Variants in SAMD3 observed in about 807,000 individuals in gnomAD.
The protein encoded by SAMD3 is sterile alpha motif domain-containing protein 3.
A neutral mutation model predicts 58.5 loss-of-function variants in SAMD3; 63 were observed. The observed-to-expected ratio is 1.08, with a 90% CI of 0.88 to 1.33. The LOEUF is 1.33. Among genes scored for constraint, SAMD3 ranks in the 40% most tolerant of loss-of-function variants. The pLI, the probability that SAMD3 is intolerant of heterozygous loss-of-function variation, is 0.00. For synonymous variants in SAMD3, 220 were observed against 210.3 expected, an observed-to-expected ratio of 1.05 and a Z score of -0.40; for missense variants, 604 against 608.4, an observed-to-expected ratio of 0.99 and a Z score of 0.08.
At chr6:130,286,203 C>T (rs1775146886) in intron 2 of SAMD3, 1 of 152,246 alleles carries the variant, frequency 6.6e-6, no homozygotes, top group African/African-American at 2.4e-5. Context: ...TATGCCGTGC[C>T]TCCTGTGGCA....
At chr6:130,360,257 C>T (rs1409549941) in intron 1 of SAMD3, among the ~76,000 whole-genome samples, 1 of 152,144 alleles carries the variant, frequency 6.6e-6, no homozygotes. Flanking sequence ...ATGAATGTGC[C>T]AACGTTTTCT....
chr6:130,179,461 A>G lies in SAMD3; in HGVS notation c.655-3453T>C, dbSNP rs1459440920. On this transcript the variant is annotated intron_variant, in intron 7 of 11. Coordinates refer to ENST00000439090, the MANE Select transcript of SAMD3 (RefSeq NM_001017373.4). The stretch of plus-strand genomic sequence containing the variant: ...GAAATTGCAGACCTCCTGTTGTGAC[A>G]TATGAAGCAGTCCACAGCATCACGA... Among the ~76,000 whole-genome samples, 5 of 152,194 alleles carry G rather than the reference A, an allele frequency of 3.3e-5. No individual in the cohort carries two copies. In the East Asian group the frequency reaches 9.6e-4, roughly 29 times the overall value.
chr6:130,303,609 A>G (rs1775821230), intron 2 of SAMD3, among the ~76,000 whole-genome samples: 1 of 152,206 alleles, frequency 6.6e-6, no homozygotes, highest in Admixed American at 6.5e-5. Context: ...TAAAATCCAC[A>G]TACCATTCAT....
chr6:130,341,034 A>G (rs1777253521), intron 1 of SAMD3, among the ~76,000 whole-genome samples: 2 of 152,218 alleles, frequency 1.3e-5, no homozygotes, highest in African/African-American at 4.8e-5. Flanking sequence ...TAGAACACAT[A>G]AAGTTTTAGG....
At chr6:130,349,511 C>A (rs1247729181) in intron 1 of SAMD3, among the ~76,000 whole-genome samples, 1 of 152,100 alleles carries the variant, frequency 6.6e-6, no homozygotes, top group East Asian at 1.9e-4. Context: ...CCTCCCAAGA[C>A]TAAACCGGGA....
chr6:130,179,300 G>A (rs1325315547), intron 7 of SAMD3, among the ~76,000 whole-genome samples: 2 of 152,100 alleles, frequency 1.3e-5, no homozygotes, highest in Non-Finnish European at 2.9e-5. Context: ...GACGCCTCAG[G>A]TAGGCAGACT....
chr6:130,163,140 T>C (rs1050106512), intron 8 of SAMD3, among the ~76,000 whole-genome samples: 33 of 151,044 alleles, frequency 2.2e-4, no homozygotes, highest in Admixed American at 7.2e-4. Context: ...ATTTCAACTA[T>C]TTAGTATGCA....
At chr6:130,319,380 A>G (rs1231793541) in intron 1 of SAMD3, among the ~76,000 whole-genome samples, 2 of 152,218 alleles carry the variant, frequency 1.3e-5, no homozygotes, top group African/African-American at 4.8e-5. Context: ...AAAAAAAGAA[A>G]AATTTAAAAG....
At chr6:130,228,500 A>G (rs1238879146) in intron 2 of SAMD3, among the ~76,000 whole-genome samples, 1 of 152,146 alleles carries the variant, frequency 6.6e-6, no homozygotes, top group Non-Finnish European at 1.5e-5. Flanking sequence ...AGGGGAGCTT[A>G]AAAAAAGCTG....
chr6:130,324,040 C>G (rs1040770865), intron 1 of SAMD3, among the ~76,000 whole-genome samples: 1 of 151,254 alleles, frequency 6.6e-6, no homozygotes, highest in Non-Finnish European at 1.5e-5. Context: ...CATCTTGGAA[C>G]TTTTTTTTTA....
chr6:130,153,279 T>A (rs928156779), intron 9 of SAMD3, among the ~76,000 whole-genome samples: 15 of 152,274 alleles, frequency 9.9e-5, no homozygotes, highest in Admixed American at 2.6e-4. Context: ...ACCTGAAGAT[T>A]AAGGGGAAAC....
intron 8 of SAMD3, 29 bp from the exon 9 acceptor site, chr6:130,155,054 A>G (rs973059960): frequency 3.0e-5 from 48 of 1,578,540 alleles, no homozygotes; most frequent in Non-Finnish European, 3.8e-5. Context: ...ATATCAATGG[A>G]TTCCATGTTT....
At chr6:130,166,795 A>G (rs1790771967) in intron 8 of SAMD3, among the ~76,000 whole-genome samples, 1 of 152,206 alleles carries the variant, frequency 6.6e-6, no homozygotes. Context: ...TCAGTAATCC[A>G]TGGAAATGTA....
rs907533920 is a variant in SAMD3, at chr6:130,161,934, G to A, written c.823-6909C>T. On this transcript the variant is annotated intron_variant, in intron 8 of 11. Coordinates refer to ENST00000439090, the MANE Select transcript of SAMD3 (RefSeq NM_001017373.4). ...TGACTTCAAGATGTCTGTCTCAGCA[G>A]ACAAAGTTAATGGAGGGCCGTGCTC... 12 of 235,134 alleles carry A rather than the reference G, an allele frequency of 5.1e-5. No homozygotes were observed. In the South Asian group the frequency reaches 1.5e-3, roughly 30 times the overall value. The allele number at this position is 235,134 out of a possible 1,614,324, so 14.6% of individuals were successfully genotyped here.
chr6:130,311,990 C>G (rs1216131492), intron 2 of SAMD3, among the ~76,000 whole-genome samples: 1 of 152,148 alleles, frequency 6.6e-6, no homozygotes, highest in Non-Finnish European at 1.5e-5. Context: ...CCCCCGCCCC[C>G]ACTTGCCATA....
chr6:130,326,202 G>A (rs1039033279), intron 1 of SAMD3, among the ~76,000 whole-genome samples: 1 of 152,066 alleles, frequency 6.6e-6, no homozygotes, highest in African/African-American at 2.4e-5. Flanking sequence ...GACTCTATTT[G>A]TATGTCAGCC....
intron 2 of SAMD3, among the ~76,000 whole-genome samples, chr6:130,234,730 C>G (rs983196251): frequency 2.0e-5 from 3 of 152,184 alleles, no homozygotes; most frequent in African/African-American, 7.2e-5. Context: ...GATCCATGCT[C>G]TAATATTCAC....
At chr6:130,330,084 AG>A (rs1398121558) in intron 1 of SAMD3, among the ~76,000 whole-genome samples, 1 of 152,220 alleles carries the variant, frequency 6.6e-6, no homozygotes, top group Non-Finnish European at 1.5e-5. Flanking sequence ...AAGATAAAAA[AG>A]AAATGAAAGA....
chr6:130,250,954 C>T (rs1201849195), intron 2 of SAMD3, among the ~76,000 whole-genome samples: 1 of 152,136 alleles, frequency 6.6e-6, no homozygotes. Context: ...TGTGTATATA[C>T]TTAGCAGTGG....
Sources: allele counts gnomAD v4.1 joint callset (sites outside exome capture counted in the v4.1 genomes callset), GRCh38; gene constraint gnomAD v4.1.1; transcripts MANE v1.5; gene names NCBI Gene and HGNC (gene_info 2026-07-23, HGNC 2026-07-21).